Variants in KCNT2 observed in about 807,000 individuals in gnomAD.
KCNT2 encodes potassium channel subfamily T member 2.
A neutral mutation model predicts 153.8 loss-of-function variants in KCNT2; 67 were observed. The observed-to-expected ratio is 0.44, with a 90% CI of 0.36 to 0.53. KCNT2 has a LOEUF of 0.53. KCNT2 is among the 20% of genes least tolerant of loss of function. The pLI is 0.00. For synonymous variants in KCNT2, 500 were observed against 458.8 expected (o/e 1.09, Z -1.15); for missense variants, 975 against 1,354.8 (o/e 0.72, Z 4.40).
intron 22 of KCNT2, among the ~76,000 whole-genome samples, chr1:196,286,334 C>G (rs2147894087): frequency 6.6e-6 from 1 of 152,098 alleles, no homozygotes; most frequent in Admixed American, 6.6e-5. Flanking sequence ...AACTCTTTGC[C>G]CCTTCTACCA....
intron 9 of KCNT2, among the ~76,000 whole-genome samples, chr1:196,428,562 T>C (rs562183223): frequency 3.6e-4 from 55 of 152,088 alleles, no homozygotes; most frequent in Non-Finnish European, 5.7e-4. Context: ...TAGAGCTGAG[T>C]GAAAGAGAAA....
In KCNT2 at chr1:196,369,878, C is replaced by G. The variant is rs560745567; in HGVS notation, c.1403+3262G>C. On this transcript the variant is annotated intron_variant, in intron 14 of 27. Transcript: ENST00000294725. Reference sequence around the variant, plus strand: ...GCTGGGTCAAATGGTATTTCTAGTTCTAGATCCCTGAGGAATCACCACACT... The same window carrying G: ...GCTGGGTCAAATGGTATTTCTAGTTGTAGATCCCTGAGGAATCACCACACT... Among the ~76,000 whole-genome samples, 117 of 152,190 alleles carry G rather than the reference C, an allele frequency of 7.7e-4. 2 individuals carry two copies. Among genetic ancestry groups the G allele is most frequent in the Non-Finnish European group, 7.4e-5 (5 of 68,012 alleles).
intron 12 of KCNT2, among the ~76,000 whole-genome samples, chr1:196,415,770 T>A (rs1023418969): frequency 6.6e-6 from 1 of 151,784 alleles, no homozygotes; most frequent in African/African-American, 2.4e-5. Context: ...TTTTCTTCCT[T>A]ACCCTTTCTA....
chr1:196,497,290 A>T (rs1680330484), intron 1 of KCNT2, among the ~76,000 whole-genome samples: 1 of 152,118 alleles, frequency 6.6e-6, no homozygotes, highest in African/African-American at 2.4e-5. Flanking sequence ...TATAACAGCT[A>T]TTTACATAAC....
At chr1:196,498,086 T>C (rs1680396590) in intron 1 of KCNT2, among the ~76,000 whole-genome samples, 1 of 152,162 alleles carries the variant, frequency 6.6e-6, no homozygotes, top group African/African-American at 2.4e-5. Flanking sequence ...TTTTTTTTCA[T>C]TTTCCTTTTA....
chr1:196,351,536 A>AT (rs1466494561), intron 14 of KCNT2, among the ~76,000 whole-genome samples: 1 of 151,912 alleles, frequency 6.6e-6, no homozygotes, highest in African/African-American at 2.4e-5. Context: ...AATGCTTGTG[A>AT]TTTTTGTACA....
intron 27 of KCNT2, among the ~76,000 whole-genome samples, chr1:196,235,581 A>G (rs1654358055): frequency 6.6e-6 from 1 of 151,458 alleles, no homozygotes; most frequent in Non-Finnish European, 1.5e-5. Flanking sequence ...TTCAAGAAAT[A>G]AAATTAGTCC....
intron 1 of KCNT2, among the ~76,000 whole-genome samples, chr1:196,556,125 A>G (rs1267658387): frequency 6.6e-6 from 1 of 151,458 alleles, no homozygotes; most frequent in Non-Finnish European, 1.5e-5. Context: ...CCACAAGCAC[A>G]GGCAACCAAG....
chr1:196,563,480 A>ACT (rs10693875), intron 1 of KCNT2, among the ~76,000 whole-genome samples: 145,150 of 147,634 alleles, frequency 0.98, 71,394 homozygotes, highest in Middle Eastern at 1. Flanking sequence ...AACTTTTCAA[A>ACT]CTTCCAAAAA....
At chr1:196,450,125 T>G (rs1335675329) in intron 8 of KCNT2, among the ~76,000 whole-genome samples, 1 of 152,000 alleles carries the variant, frequency 6.6e-6, no homozygotes, top group East Asian at 1.9e-4. Context: ...TCATTGCATT[T>G]TCACTCATTT....
intron 14 of KCNT2, among the ~76,000 whole-genome samples, chr1:196,351,135 C>A (rs1034338750): frequency 6.6e-6 from 1 of 152,072 alleles, no homozygotes; most frequent in Admixed American, 6.6e-5. Context: ...AGTTAGGTAG[C>A]GTGATGCCTC....
intron 14 of KCNT2, among the ~76,000 whole-genome samples, chr1:196,365,316 C>A (rs1667947454): frequency 1.4e-5 from 2 of 141,726 alleles, no homozygotes; most frequent in African/African-American, 4.9e-5. Flanking sequence ...TTATATTGTT[C>A]ATTTCAAATG....
At chr1:196,372,585 G>A (rs935422563) in intron 14 of KCNT2, among the ~76,000 whole-genome samples, 1 of 151,764 alleles carries the variant, frequency 6.6e-6, no homozygotes, top group African/African-American at 2.4e-5. Context: ...AATAAAAAAG[G>A]TTCTAATGGT....
chr1:196,315,150 C>T (rs1662583329), intron 21 of KCNT2, among the ~76,000 whole-genome samples: 1 of 151,566 alleles, frequency 6.6e-6, no homozygotes, highest in South Asian at 2.1e-4. Context: ...GTTTCATTTA[C>T]CTCTGTAATT....
chr1:196,584,228 T>C (rs1477871768), intron 1 of KCNT2, among the ~76,000 whole-genome samples: 1 of 127,242 alleles, frequency 7.9e-6, no homozygotes, highest in Non-Finnish European at 1.7e-5. Context: ...CCTCCATAAT[T>C]GTGGAGGAAT....
intron 22 of KCNT2, among the ~76,000 whole-genome samples, chr1:196,289,407 C>T (rs1659980748): frequency 6.6e-6 from 1 of 152,166 alleles, no homozygotes; most frequent in South Asian, 2.1e-4. Flanking sequence ...AGGGCAGAGA[C>T]CATGATTTTG....
Position 196,270,840 on chromosome 1 carries a change from T to C in KCNT2, c.2910+10020A>G, listed in dbSNP as rs537839448. On this transcript the variant is annotated intron_variant, in intron 25 of 27. Transcript: ENST00000294725. The stretch of plus-strand genomic sequence containing the variant: ...GTTTCAACATGCAGGTGTGTGTGTG[T>C]GTGTGTGTGTGCATGTATGTGTAAA... 3.3e-5 allele frequency among the ~76,000 whole-genome samples: 5 copies of C among 151,998 alleles called. No homozygotes were observed. The South Asian group carries it at 1.0e-3, about 32-fold the overall frequency.
intron 1 of KCNT2, among the ~76,000 whole-genome samples, chr1:196,598,860 T>G (rs1280323112): frequency 6.6e-6 from 1 of 152,228 alleles, no homozygotes; most frequent in Non-Finnish European, 1.5e-5. Flanking sequence ...GTTTGACACA[T>G]GCTAAGTAGT....
At chr1:196,315,599 A>G (rs568999746) in intron 21 of KCNT2, among the ~76,000 whole-genome samples, 91 of 151,666 alleles carry the variant, frequency 6.0e-4, no homozygotes, top group Non-Finnish European at 1.0e-3. Flanking sequence ...CTGCTTGTCA[A>G]AACTCATGAC....
Sources: allele counts gnomAD v4.1 joint callset (sites outside exome capture counted in the v4.1 genomes callset), GRCh38; gene constraint gnomAD v4.1.1; transcripts MANE v1.5; gene names NCBI Gene and HGNC (gene_info 2026-07-23, HGNC 2026-07-21).